CNTNAP2: variants seen among roughly 807,000 people sequenced by gnomAD.
CNTNAP2 encodes the protein contactin-associated protein-like 2.
In CNTNAP2, 98 loss-of-function variants were observed where a neutral mutation model predicts 155.2. The ratio of observed to expected loss-of-function variants is 0.63; its 90% CI spans 0.54 to 0.75. CNTNAP2 has a LOEUF of 0.75. Ranked by LOEUF, CNTNAP2 falls within the 30% of genes least tolerant of loss-of-function variation. CNTNAP2 has a pLI of 0.00. For synonymous variants in CNTNAP2, 651 were observed against 631.2 expected (o/e 1.03, Z -0.47); for missense variants, 1,727 against 1,688.1 (o/e 1.02, Z -0.40).
chr7:147,562,268 C>T lies in CNTNAP2; in HGVS notation c.1897+11C>T. The stretch of plus-strand genomic sequence containing the variant: ...ACTGCAACATGACAGGTAACTGTGT[C>T]ATATTTATGTTTTATGAAGATGCTT... On this transcript the variant is annotated intron_variant, in intron 12 of 23. Coordinates refer to ENST00000361727, the MANE Select transcript of CNTNAP2 (RefSeq NM_014141.6). The T allele has an allele frequency of 6.2e-7, 1 of 1,613,584 alleles. No individual in the cohort carries two copies. The highest frequency in any genetic ancestry group is 8.5e-7 in the Non-Finnish European group (1 of 1,179,810).
At chr7:147,730,770 T>C (rs192343904) in intron 13 of CNTNAP2, among the ~76,000 whole-genome samples, 3 of 152,188 alleles carry the variant, frequency 2.0e-5, no homozygotes, top group Admixed American at 6.6e-5. Flanking sequence ...AAAGCAAAGA[T>C]AGGCCCAAAA....
chr7:147,483,216 A>G (rs919136686), intron 10 of CNTNAP2, among the ~76,000 whole-genome samples: 2 of 100,078 alleles, frequency 2.0e-5, no homozygotes, highest in Non-Finnish European at 4.2e-5. Context: ...TGGCAAATAG[A>G]AAAAAATTAA....
intron 1 of CNTNAP2, among the ~76,000 whole-genome samples, chr7:146,722,884 G>T (rs1422233561): frequency 6.6e-6 from 1 of 151,950 alleles, no homozygotes; most frequent in Non-Finnish European, 1.5e-5. Context: ...GCATAGTGGT[G>T]GGCATCTCTA....
At chr7:148,020,969 C>G (rs181243455) in intron 15 of CNTNAP2, among the ~76,000 whole-genome samples, 3 of 152,200 alleles carry the variant, frequency 2.0e-5, no homozygotes, top group African/African-American at 7.2e-5. Flanking sequence ...ATCATTGAAT[C>G]GGTTACTGAA....
At position 147,723,635 on chromosome 7, in the gene CNTNAP2, C is replaced by T. The variant is rs536258479; in HGVS notation, c.2098+84329C>T. Among the ~76,000 whole-genome samples, 4 of 152,016 alleles carry T rather than the reference C, an allele frequency of 2.6e-5. No homozygotes were observed. The South Asian group carries it at 8.3e-4, about 32-fold the overall frequency. Reference sequence around the variant, plus strand: ...ACGTGAAAAAAAGATCAGTCTGCATCTGTCCCTGTTGCTAATAGTAACCAT... The same window carrying T: ...ACGTGAAAAAAAGATCAGTCTGCATTTGTCCCTGTTGCTAATAGTAACCAT... On this transcript the variant is annotated intron_variant, in intron 13 of 23. Transcript: ENST00000361727.
intron 1 of CNTNAP2, among the ~76,000 whole-genome samples, chr7:146,719,981 A>G (rs1016341345): frequency 6.6e-6 from 1 of 152,126 alleles, no homozygotes; most frequent in Non-Finnish European, 1.5e-5. Flanking sequence ...ATTGGACTGA[A>G]TACATAGAAT....
At chr7:147,600,780 T>A (rs976615904) in intron 12 of CNTNAP2, among the ~76,000 whole-genome samples, 2 of 152,056 alleles carry the variant, frequency 1.3e-5, no homozygotes, top group Non-Finnish European at 2.9e-5. Context: ...TCCTTCCCCC[T>A]CCTACTACTA....
At chr7:146,849,362 G>A (rs1315325899) in intron 3 of CNTNAP2, among the ~76,000 whole-genome samples, 1 of 152,092 alleles carries the variant, frequency 6.6e-6, no homozygotes, top group African/African-American at 2.4e-5. Flanking sequence ...CTTGAATCCA[G>A]GTATACTGAC....
intron 10 of CNTNAP2, among the ~76,000 whole-genome samples, chr7:147,459,022 A>C (rs1053469144): frequency 1.3e-5 from 2 of 152,112 alleles, no homozygotes; most frequent in Non-Finnish European, 2.9e-5. Flanking sequence ...TATCTCCAGA[A>C]TATTACTCTA....
At chr7:146,841,141 G>A (rs117877646) in intron 3 of CNTNAP2, among the ~76,000 whole-genome samples, 4,588 of 152,264 alleles carry the variant, frequency 0.03, 85 homozygotes, top group Middle Eastern at 0.068. Context: ...CCAGAGACTT[G>A]AATTTAGTTG....
At chr7:147,228,819 C>T (rs570917290) in intron 8 of CNTNAP2, among the ~76,000 whole-genome samples, 9 of 151,984 alleles carry the variant, frequency 5.9e-5, no homozygotes, top group Non-Finnish European at 1.3e-4. Context: ...CCCCCACCCC[C>T]CAACAGGCCC....
chr7:147,083,400 C>G (rs1476919275), intron 4 of CNTNAP2, among the ~76,000 whole-genome samples: 1 of 151,650 alleles, frequency 6.6e-6, no homozygotes, highest in Non-Finnish European at 1.5e-5. Flanking sequence ...GAGAAGTAGG[C>G]AATAATGTCG....
intron 13 of CNTNAP2, among the ~76,000 whole-genome samples, chr7:147,817,113 T>A (rs550544392): frequency 6.6e-6 from 1 of 152,216 alleles, no homozygotes; most frequent in African/African-American, 2.4e-5. Context: ...GAAGGACATT[T>A]TATAGGACTA....
chr7:147,788,744 C>T (rs946569395), intron 13 of CNTNAP2, among the ~76,000 whole-genome samples: 28 of 152,028 alleles, frequency 1.8e-4, no homozygotes. Context: ...CTGCCTCCAA[C>T]CCCCCTCATC....
chr7:147,169,550 T>C (rs1403752617), intron 8 of CNTNAP2, among the ~76,000 whole-genome samples: 2 of 152,002 alleles, frequency 1.3e-5, no homozygotes, highest in Admixed American at 1.3e-4. Context: ...TCTTTTCCTG[T>C]GTTAATTTTC....
intron 3 of CNTNAP2, among the ~76,000 whole-genome samples, chr7:146,997,985 A>G (rs1798344534): frequency 6.6e-6 from 1 of 151,996 alleles, no homozygotes; most frequent in Admixed American, 6.6e-5. Context: ...CAATTCAAAA[A>G]ACTAACTCAG....
intron 8 of CNTNAP2, among the ~76,000 whole-genome samples, chr7:147,259,121 G>A (rs961445044): frequency 1.3e-5 from 2 of 152,196 alleles, no homozygotes; most frequent in Admixed American, 6.5e-5. Context: ...GTGGTCAGAA[G>A]ACATGTATTT....
intron 12 of CNTNAP2, among the ~76,000 whole-genome samples, chr7:147,605,915 CTGTG>C (rs144478388): frequency 6.6e-6 from 1 of 151,036 alleles, no homozygotes; most frequent in African/African-American, 2.4e-5. Context: ...TTCTCTCTCT[CTGTG>C]TGTGTGTGTG....
intron 2 of CNTNAP2, among the ~76,000 whole-genome samples, chr7:146,802,505 C>G (rs769355857): frequency 6.6e-6 from 1 of 152,114 alleles, no homozygotes; most frequent in Admixed American, 6.5e-5. Flanking sequence ...AGGAGATGAT[C>G]ATGGGGGGCA....
Sources: gnomAD v4.1 joint callset for allele counts (sites outside exome capture counted in the v4.1 genomes callset) on GRCh38, gnomAD v4.1.1 for gene constraint, MANE v1.5 for transcripts, NCBI Gene and HGNC (gene_info 2026-07-23, HGNC 2026-07-21) for gene names.